Variants in TNRC6B observed in about 807,000 individuals in gnomAD.
The protein encoded by TNRC6B is trinucleotide repeat containing adaptor 6B, also known as trinucleotide repeat-containing gene 6B protein.
A neutral mutation model predicts 203.6 loss-of-function variants in TNRC6B; 52 were observed. The observed-to-expected ratio is 0.26, with a 90% CI of 0.20 to 0.32. The LOEUF is 0.32. Among genes scored for constraint, TNRC6B ranks in the 10% least tolerant of loss-of-function variants. The pLI, the probability that TNRC6B is intolerant of heterozygous loss-of-function variation, is 1.00. For synonymous variants in TNRC6B, 838 were observed against 845.7 expected, an observed-to-expected ratio of 0.99 and a Z score of 0.16; for missense variants, 1,923 against 2,286.2, an observed-to-expected ratio of 0.84 and a Z score of 3.24.
intron 3 of TNRC6B, among the ~76,000 whole-genome samples, chr22:40,143,209 C>T (rs1242032257): frequency 1.3e-5 from 2 of 152,124 alleles, no homozygotes; most frequent in African/African-American, 4.8e-5. Context: ...GCGGGAGAAT[C>T]ACTTGAGGCC....
intron 3 of TNRC6B, among the ~76,000 whole-genome samples, chr22:40,138,379 C>A (rs2068618330): frequency 6.6e-6 from 1 of 152,190 alleles, no homozygotes; most frequent in Non-Finnish European, 1.5e-5. Flanking sequence ...GATTCTCCTG[C>A]CTCAGCCTCT....
At chr22:40,050,356 A>C (rs2067734614) in intron 1 of TNRC6B, among the ~76,000 whole-genome samples, 1 of 151,920 alleles carries the variant, frequency 6.6e-6, no homozygotes. Context: ...ACCTTCTCTC[A>C]CTTCTTTTAC....
At chr22:40,059,557 G>A (rs2067830044) in intron 1 of TNRC6B, among the ~76,000 whole-genome samples, 1 of 152,130 alleles carries the variant, frequency 6.6e-6, no homozygotes, top group African/African-American at 2.4e-5. Flanking sequence ...ATTTAGTCTT[G>A]TATCACTAAC....
intron 1 of TNRC6B, among the ~76,000 whole-genome samples, chr22:40,094,493 T>C (rs1334617288): frequency 6.6e-6 from 1 of 152,178 alleles, no homozygotes; most frequent in Non-Finnish European, 1.5e-5. Context: ...AAAAACAGTT[T>C]GAAGAAGAAG....
intron 1 of TNRC6B, among the ~76,000 whole-genome samples, chr22:40,231,453 T>A (rs1292627330): frequency 6.6e-6 from 1 of 152,234 alleles, no homozygotes; most frequent in Non-Finnish European, 1.5e-5. Flanking sequence ...AGTGTACATA[T>A]TCAGGACTTG....
intron 1 of TNRC6B, among the ~76,000 whole-genome samples, chr22:40,235,072 G>A (rs945851405): frequency 4.6e-5 from 7 of 152,128 alleles, no homozygotes; most frequent in East Asian, 3.8e-4. Context: ...CCAAATTTGC[G>A]TGTGGTGTCA....
At chr22:40,322,726 A>G (rs1004954351) in intron 22 of TNRC6B, 128 bp from the exon 23 acceptor site, 9 of 1,119,554 alleles carry the variant, frequency 8.0e-6, no homozygotes, top group Non-Finnish European at 1.1e-5. Context: ...CATTCTAAAA[A>G]GCGTTCATGG....
chr22:40,251,301 G>A (rs1007258329), intron 3 of TNRC6B, 101 bp downstream of exon 3: 54 of 895,038 alleles, frequency 6.0e-5, no homozygotes, highest in African/African-American at 1.5e-4. Flanking sequence ...GAGAGTGGGC[G>A]TAGAGTAATT....
chr22:40,228,105 T>C (rs1216681175), intron 1 of TNRC6B, among the ~76,000 whole-genome samples: 1 of 152,150 alleles, frequency 6.6e-6, no homozygotes, highest in Non-Finnish European at 1.5e-5. Flanking sequence ...GGTGTAAACA[T>C]AGTTTTTAGC....
At chr22:40,210,328 G>A (rs1336584919) in intron 1 of TNRC6B, among the ~76,000 whole-genome samples, 1 of 152,204 alleles carries the variant, frequency 6.6e-6, no homozygotes, top group Non-Finnish European at 1.5e-5. Flanking sequence ...GGGAATATAG[G>A]CACAGATGAT....
chr22:40,146,302 C>T (rs2068694838), intron 3 of TNRC6B, among the ~76,000 whole-genome samples: 1 of 152,126 alleles, frequency 6.6e-6, no homozygotes, highest in South Asian at 2.1e-4. Context: ...TTCAGCTGGG[C>T]TGGTAGGGGA....
chr22:40,233,637 A>G (rs541407550), intron 1 of TNRC6B, among the ~76,000 whole-genome samples: 3 of 152,194 alleles, frequency 2.0e-5, no homozygotes, highest in Admixed American at 1.3e-4. Flanking sequence ...AAAAAAAATT[A>G]TCTTACTTTA....
intron 12 of TNRC6B, among the ~76,000 whole-genome samples, chr22:40,286,823 C>T (rs1263849577): frequency 2.6e-5 from 4 of 152,048 alleles, no homozygotes; most frequent in East Asian, 3.9e-4. Context: ...AGAAAGCAGG[C>T]GTGAGGATAG....
At chr22:40,090,103 T>G (rs2068137823) in intron 1 of TNRC6B, among the ~76,000 whole-genome samples, 1 of 152,232 alleles carries the variant, frequency 6.6e-6, no homozygotes. Flanking sequence ...CTTAGTTGCT[T>G]CCAAGTTTCA....
intron 15 of TNRC6B, among the ~76,000 whole-genome samples, chr22:40,304,495 G>A (rs1030686291): frequency 1.6e-4 from 25 of 152,150 alleles, no homozygotes; most frequent in African/African-American, 5.8e-4. Flanking sequence ...GTGTTACTGG[G>A]CTAGGGGAAG....
chr22:40,156,007 A>C, intron 3 of TNRC6B: 3 of 928,216 alleles, frequency 3.2e-6, no homozygotes, highest in Non-Finnish European at 5.0e-6. Flanking sequence ...TGTTCTGTGC[A>C]CCACAGTGAA....
chr22:40,095,740 G>A (rs531321114), intron 1 of TNRC6B, among the ~76,000 whole-genome samples: 4 of 151,050 alleles, frequency 2.6e-5, no homozygotes, highest in African/African-American at 9.7e-5. Context: ...ATTATATGAT[G>A]TGTATTTCCT....
chr22:40,216,675 T>C (rs1419481131), intron 1 of TNRC6B, among the ~76,000 whole-genome samples: 4 of 152,222 alleles, frequency 2.6e-5, no homozygotes, highest in Non-Finnish European at 5.9e-5. Context: ...TCTAATTTTT[T>C]AGAAAGTCTC....
intron 1 of TNRC6B, among the ~76,000 whole-genome samples, chr22:40,183,704 T>C (rs950473954): frequency 2.0e-5 from 3 of 152,088 alleles, no homozygotes; most frequent in African/African-American, 7.2e-5. Context: ...TTGTTTTTTT[T>C]TTTTTAATAT....
Sources: gnomAD v4.1 joint callset for allele counts (sites outside exome capture counted in the v4.1 genomes callset) on GRCh38, gnomAD v4.1.1 for gene constraint, MANE v1.5 for transcripts, NCBI Gene and HGNC (gene_info 2026-07-23, HGNC 2026-07-21) for gene names.